Variants in ZMYND8 observed in about 807,000 individuals in gnomAD.
ZMYND8 encodes the protein MYND-type zinc finger-containing chromatin reader ZMYND8.
In ZMYND8, 37 loss-of-function variants were observed where a neutral mutation model predicts 140.8. The observed-to-expected ratio is 0.26, with a 90% CI of 0.20 to 0.35. ZMYND8 has a LOEUF of 0.35. Among genes scored for constraint, ZMYND8 ranks in the 10% least tolerant of loss-of-function variants. The pLI, the probability that ZMYND8 is intolerant of heterozygous loss-of-function variation, is 1.00. For missense variants in ZMYND8, 1,068 were observed against 1,570.0 expected, an observed-to-expected ratio of 0.68 and a Z score of 5.40; for synonymous variants, 592 against 597.1, an observed-to-expected ratio of 0.99 and a Z score of 0.12.
At chr20:47,262,558 C>T (rs909560349) in intron 11 of ZMYND8, 130 bp from the exon 12 acceptor site, 71 of 1,266,748 alleles carry the variant, frequency 5.6e-5, no homozygotes, top group Admixed American at 3.0e-4. Flanking sequence ...TACAGTATCA[C>T]GAATGGGGTG....
At chr20:47,251,030 T>C (rs985155964) in intron 12 of ZMYND8, among the ~76,000 whole-genome samples, 1 of 140,062 alleles carries the variant, frequency 7.1e-6, no homozygotes, top group Non-Finnish European at 1.5e-5. Context: ...TTTTTTTTTT[T>C]GAAGGAAAAA....
At chr20:47,333,613 C>G (rs2081132102) in intron 2 of ZMYND8, among the ~76,000 whole-genome samples, 1 of 150,950 alleles carries the variant, frequency 6.6e-6, no homozygotes. Flanking sequence ...GTAGTCCCAG[C>G]TCCTCGGGAG....
At chr20:47,270,794 T>C (rs1237333921) in intron 11 of ZMYND8, among the ~76,000 whole-genome samples, 1 of 144,638 alleles carries the variant, frequency 6.9e-6, no homozygotes, top group Non-Finnish European at 1.5e-5. Flanking sequence ...AAAACAGAAA[T>C]CGGCCGGGTG....
chr20:47,337,744 T>C (rs369560692), intron 2 of ZMYND8, among the ~76,000 whole-genome samples: 2 of 152,110 alleles, frequency 1.3e-5, no homozygotes, highest in African/African-American at 2.4e-5. Flanking sequence ...TAGGAGCATC[T>C]TTCAGCAGGA....
Position 47,220,402 on chromosome 20 carries a change from T to TG in ZMYND8, c.3418-79dup, listed in dbSNP as rs984485359. On this transcript the variant is annotated intron_variant, in intron 20 of 22. Transcript: ENST00000471951. ...CCCCACAGGGAAATCCAGGGAGTCA[T>TG]GGGGGTGCTCATCGCTGCCCCCAAA... is the stretch of plus-strand genomic sequence containing the variant. 79 of 1,199,388 alleles carry TG rather than the reference T, an allele frequency of 6.6e-5. No homozygotes were observed. In the African/African-American group the frequency reaches 1.0e-3, roughly 15 times the overall value. 74.3% of individuals were successfully genotyped at this position (1,199,388 alleles called of 1,614,324 possible).
At position 47,236,318 on chromosome 20, in the gene ZMYND8, C is replaced by T; in HGVS notation, c.2856+8G>A. 2.5e-6 allele frequency: 4 copies of T among 1,614,176 alleles called. No homozygotes were observed. Among genetic ancestry groups the T allele is most frequent in the East Asian group, 2.2e-5 (1 of 44,882 alleles). On this transcript the variant is annotated splice_region_variant and intron_variant, in intron 16 of 22. Transcript: ENST00000471951. ...GCCATCTCCACGGTAGCTCTCCCAT[C>T]CACTCACTTTGCTAGTGTACTTGGC...
chr20:47,223,775 G>A (rs1415458335), intron 19 of ZMYND8, among the ~76,000 whole-genome samples: 6 of 150,088 alleles, frequency 4.0e-5, no homozygotes, highest in African/African-American at 9.9e-5. Context: ...GCACTAAGCC[G>A]AGATCACGCC....
Position 47,354,491 on chromosome 20 carries a change from G to C in ZMYND8, c.14+2166C>G, listed in dbSNP as rs1569269310. On this transcript the variant is annotated intron_variant, in intron 1 of 22. Coordinates refer to ENST00000471951, the MANE Select transcript of ZMYND8 (RefSeq NM_001281775.3). ...TTGTTTGGGGCAGTGGCACTGTTCA[G>C]TTTTAAGTATATAACATCATTAACT... 3 of 152,304 alleles carry C rather than the reference G, an allele frequency of 2.0e-5. No individual in the cohort carries two copies. In the East Asian group the frequency reaches 5.8e-4, roughly 29 times the overall value. 9.4% of individuals were successfully genotyped at this position (152,304 alleles called of 1,614,324 possible).
intron 1 of ZMYND8, chr20:47,352,554 G>A: frequency 1.0e-6 from 1 of 985,446 alleles, no homozygotes; most frequent in Non-Finnish European, 1.2e-6. Flanking sequence ...GCTTTCAGAG[G>A]CCGAACTAAC....
rs767761391 is a variant in ZMYND8, at chr20:47,246,168, A to G, written c.2124T>C (p.Asp708=). ...CCGTCTCATCTTTTCCCTTCAGTTT[A>G]TCCTTTATGGGGTGAGGTGAAGGTT... ...KAKPSPHPIK[D]KLKGKDETDS... The change falls in exon 14 of 23, where the codon GAT becomes GAC. Residue 708 remains aspartate, a synonymous_variant. Transcript: ENST00000471951. 1 of 1,614,008 alleles carries G rather than the reference A, an allele frequency of 6.2e-7. No individual in the cohort carries two copies. The highest frequency in any genetic ancestry group is 8.5e-7 in the Non-Finnish European group (1 of 1,180,036).
intron 22 of ZMYND8, among the ~76,000 whole-genome samples, chr20:47,212,363 C>A (rs1247706302): frequency 6.6e-6 from 1 of 152,212 alleles, no homozygotes; most frequent in African/African-American, 2.4e-5. Context: ...CCAATCACCA[C>A]AGGAGGGAAT....
intron 1 of ZMYND8, among the ~76,000 whole-genome samples, chr20:47,352,187 C>G (rs942483041): frequency 6.6e-6 from 1 of 152,166 alleles, no homozygotes; most frequent in African/African-American, 2.4e-5. Context: ...CCCGGTCCCC[C>G]TTCTCTTCTC....
chr20:47,256,563 TG>T (rs2074745401), intron 12 of ZMYND8, among the ~76,000 whole-genome samples: 1 of 152,050 alleles, frequency 6.6e-6, no homozygotes. Context: ...GAGCTTACAG[TG>T]AGCCGAGATC....
At chr20:47,270,129 C>T (rs770339179) in intron 11 of ZMYND8, among the ~76,000 whole-genome samples, 22 of 151,870 alleles carry the variant, frequency 1.4e-4, no homozygotes, top group South Asian at 1.3e-3. Context: ...CCTAGCTACT[C>T]AGGAGGCTGA....
At chr20:47,241,312 AAAG>A (rs2039944516) in intron 14 of ZMYND8, among the ~76,000 whole-genome samples, 1 of 151,874 alleles carries the variant, frequency 6.6e-6, no homozygotes, top group Non-Finnish European at 1.5e-5. Context: ...AAAAAAAAAA[AAAG>A]ATTCTTTAAA....
Position 47,294,777 on chromosome 20 carries a change from T to C in ZMYND8, c.456A>G (p.Lys152=), listed in dbSNP as rs1569125009. ...EGDWFCPECE[K]ITVAECIETQ... is the part of the protein sequence containing the mutation. The stretch of plus-strand genomic sequence containing the variant: ...TCTCGATGCATTCTGCTACTGTAAT[T>C]TTCTACAAAGTCAAAGTCATACATA... Residue 152 remains lysine (K), a splice_region_variant and synonymous_variant, in exon 5 of 23, where the codon AAA becomes AAG. Coordinates refer to ENST00000471951, the MANE Select transcript of ZMYND8 (RefSeq NM_001281775.3). 1 of 1,613,990 alleles carries C rather than the reference T, an allele frequency of 6.2e-7. No homozygotes were observed. Among genetic ancestry groups the C allele is most frequent in the South Asian group, 1.1e-5 (1 of 91,072 alleles).
chr20:47,293,358 A>G (rs1255952595), intron 5 of ZMYND8, among the ~76,000 whole-genome samples: 2 of 152,238 alleles, frequency 1.3e-5, no homozygotes, highest in African/African-American at 4.8e-5. Flanking sequence ...CATTTTCCTG[A>G]AAAGTATTGT....
intron 16 of ZMYND8, among the ~76,000 whole-genome samples, chr20:47,232,606 C>G (rs1006436518): frequency 6.6e-6 from 1 of 152,002 alleles, no homozygotes; most frequent in African/African-American, 2.4e-5. Context: ...GCTGCAGGAG[C>G]TGAGAAAACA....
At chr20:47,251,801 C>T (rs1237443578) in intron 12 of ZMYND8, among the ~76,000 whole-genome samples, 1 of 140,284 alleles carries the variant, frequency 7.1e-6, no homozygotes, top group Non-Finnish European at 1.5e-5. Flanking sequence ...GGCCGCCGCA[C>T]CGTCTGGGAA....
Sources: allele counts gnomAD v4.1 joint callset (sites outside exome capture counted in the v4.1 genomes callset), GRCh38; gene constraint gnomAD v4.1.1; transcripts MANE v1.5; gene names NCBI Gene and HGNC (gene_info 2026-07-23, HGNC 2026-07-21).